Variants in GALNT10 observed in about 807,000 individuals in gnomAD.
GALNT10 encodes GalNAc transferase 10.
Under a neutral mutation model 75.0 loss-of-function variants are expected in GALNT10, and 41 were observed. That is an observed-to-expected ratio of 0.55 (90% confidence interval 0.43 to 0.71). GALNT10 has a LOEUF of 0.71. GALNT10 is among the 30% of genes least tolerant of loss of function. GALNT10 has a pLI of 0.00. For synonymous variants in GALNT10, 302 were observed against 313.0 expected, an observed-to-expected ratio of 0.96 and a Z score of 0.37; for missense variants, 727 against 818.5, an observed-to-expected ratio of 0.89 and a Z score of 1.36.
At chr5:154,217,865 C>T (rs1241751169) in intron 1 of GALNT10, 1 of 291,160 alleles carries the variant, frequency 3.4e-6, no homozygotes, top group African/African-American at 2.3e-5. Flanking sequence ...TGTAAGAGCT[C>T]AAAAATAGCT....
chr5:154,209,792 C>T (rs1775166593), intron 1 of GALNT10, among the ~76,000 whole-genome samples: 1 of 152,160 alleles, frequency 6.6e-6, no homozygotes, highest in Admixed American at 6.5e-5. Context: ...AACAGTCAGT[C>T]TCTAACACTG....
At chr5:154,326,410 G>T (rs548086827) in intron 3 of GALNT10, among the ~76,000 whole-genome samples, 4 of 152,170 alleles carry the variant, frequency 2.6e-5, no homozygotes, top group Non-Finnish European at 5.9e-5. Context: ...TGTACCCACA[G>T]AATTGAAAAC....
rs1353967195 is a variant in GALNT10, at chr5:154,416,031, C to T, written c.1653+99C>T. 9.0e-7 allele frequency: 1 copy of T among 1,114,236 alleles called. No individual in the cohort carries two copies. The highest frequency in any genetic ancestry group is 1.3e-6 in the Non-Finnish European group (1 of 775,634). 69.0% of individuals were successfully genotyped at this position (1,114,236 alleles called of 1,614,324 possible). A position where few individuals can be genotyped will look rare whatever the true frequency, so the allele number is the denominator to read the frequency against. On this transcript the variant is annotated intron_variant, in intron 11 of 11. Coordinates refer to ENST00000297107, the MANE Select transcript of GALNT10 (RefSeq NM_198321.4). The surrounding 1 kb of genome is among the most constrained non-coding windows in gnomAD (Gnocchi z 4.5). ...TTTCAACAGAGCCCATCCACTTATTCATTTGTGCCACAAACCTACCATGCC... is the reference window on the plus strand; with the variant it reads ...TTTCAACAGAGCCCATCCACTTATTTATTTGTGCCACAAACCTACCATGCC...
Position 154,420,576 on chromosome 5 carries a change from G to A in GALNT10, c.*3604G>A, listed in dbSNP as rs1291015710. 6.6e-6 allele frequency: 1 copy of A among 152,164 alleles called. No homozygotes were observed. The highest frequency in any genetic ancestry group is 1.5e-5 in the Non-Finnish European group (1 of 68,028). The allele number at this position is 152,164 out of a possible 1,614,324, so 9.4% of individuals were successfully genotyped here. On this transcript the variant is annotated 3_prime_UTR_variant, in exon 12 of 12. Transcript: ENST00000297107. ...GGGACAAGAAGTGCAGTTCTGTTCTGGAATTCCTTATTGCTTTCAACGGAC... is the reference window on the plus strand; with the variant it reads ...GGGACAAGAAGTGCAGTTCTGTTCTAGAATTCCTTATTGCTTTCAACGGAC...
At position 154,268,731 on chromosome 5, in the gene GALNT10, A is replaced by C. The variant is rs185987293; in HGVS notation, c.160-26085A>C. On this transcript the variant is annotated intron_variant, in intron 1 of 11. Coordinates refer to ENST00000297107, the MANE Select transcript of GALNT10 (RefSeq NM_198321.4). ...TTGTAACACCTGAGATTTATTTCTC[A>C]TTTAATAAAGTTTAAATTATACTCT... 2.1e-3 allele frequency among the ~76,000 whole-genome samples: 316 copies of C among 152,362 alleles called. 1 individual carries two copies. Among genetic ancestry groups the C allele is most frequent in the Middle Eastern group, 3.4e-3 (1 of 294 alleles).
chr5:154,408,597 A>C (rs1288543097), intron 8 of GALNT10, among the ~76,000 whole-genome samples: 2 of 151,618 alleles, frequency 1.3e-5, no homozygotes, highest in Non-Finnish European at 2.9e-5. Context: ...ACTCACAAAC[A>C]CTTTCCTCAC....
chr5:154,205,565 A>G (rs1475000689), intron 1 of GALNT10, among the ~76,000 whole-genome samples: 2 of 152,192 alleles, frequency 1.3e-5, no homozygotes, highest in Non-Finnish European at 2.9e-5. Context: ...GTCTCTCAAA[A>G]AGATACGGCA....
At chr5:154,311,777 A>G (rs1446291858) in intron 3 of GALNT10, among the ~76,000 whole-genome samples, 1 of 152,050 alleles carries the variant, frequency 6.6e-6, no homozygotes, top group East Asian at 1.9e-4. Context: ...CACCAGGCTA[A>G]TTTTTGTATT....
intron 1 of GALNT10, among the ~76,000 whole-genome samples, chr5:154,291,712 C>A (rs566353309): frequency 5.3e-5 from 8 of 152,310 alleles, no homozygotes; most frequent in African/African-American, 1.9e-4. Flanking sequence ...AACAAAATAA[C>A]TTCTCCCATG....
intron 7 of GALNT10, among the ~76,000 whole-genome samples, chr5:154,389,767 T>A (rs1028931354): frequency 3.9e-5 from 6 of 152,132 alleles, no homozygotes; most frequent in Admixed American, 3.9e-4. Context: ...CAATTAAAAG[T>A]ATACAAATAT....
At chr5:154,264,337 T>C in intron 1 of GALNT10, among the ~76,000 whole-genome samples, 1 of 150,300 alleles carries the variant, frequency 6.7e-6, no homozygotes, top group African/African-American at 2.5e-5. Flanking sequence ...AAAAGTGATT[T>C]GGGGGACAAT....
chr5:154,396,049 G>GGGCAGGTTGGTT (rs1756012175), intron 7 of GALNT10, among the ~76,000 whole-genome samples: 1 of 152,150 alleles, frequency 6.6e-6, no homozygotes, highest in Admixed American at 6.5e-5. Flanking sequence ...CAGAGTAAAT[G>GGGCAGGTTGGTT]GGCAGGTTGG....
Position 154,199,567 on chromosome 5 carries a change from G to A in GALNT10, c.159+8542G>A, listed in dbSNP as rs191689655. ...TTGGAATCCCTCTCCTGTGGGCTGC[G>A]AGGATTGGCTGGGGCGGTAGAGCTT... On this transcript the variant is annotated intron_variant, in intron 1 of 11. Coordinates refer to ENST00000297107, the MANE Select transcript of GALNT10 (RefSeq NM_198321.4). 2.0e-4 allele frequency among the ~76,000 whole-genome samples: 30 copies of A among 152,320 alleles called. 1 individual carries two copies. In the East Asian group the frequency reaches 2.5e-3, roughly 13 times the overall value.
intron 1 of GALNT10, among the ~76,000 whole-genome samples, chr5:154,260,533 C>T (rs1458493700): frequency 6.6e-6 from 1 of 152,136 alleles, no homozygotes; most frequent in Non-Finnish European, 1.5e-5. Flanking sequence ...GTGGCAGAAT[C>T]CAGGATGCAC....
intron 3 of GALNT10, among the ~76,000 whole-genome samples, chr5:154,315,830 T>A (rs897700722): frequency 3.3e-5 from 5 of 152,244 alleles, no homozygotes; most frequent in African/African-American, 7.2e-5. Flanking sequence ...AAATTCCTTG[T>A]TGGACCAAGA....
intron 1 of GALNT10, among the ~76,000 whole-genome samples, chr5:154,291,472 A>T (rs1385498110): frequency 6.6e-6 from 1 of 152,230 alleles, no homozygotes; most frequent in Non-Finnish European, 1.5e-5. Context: ...ATTCTCCTGC[A>T]CATTAAAATT....
rs112669818 is a variant in GALNT10, at chr5:154,361,670, G to A, written c.569-14607G>A. On this transcript the variant is annotated intron_variant, in intron 4 of 11. Transcript: ENST00000297107. ...CATAAGGATTTTCTGCTAAAAGAAC[G>A]TGAAAGCCTTAACAGACCATAGGTA... is the stretch of plus-strand genomic sequence containing the variant. 6.5e-3 allele frequency among the ~76,000 whole-genome samples: 984 copies of A among 152,336 alleles called. 13 individuals are homozygous for A. Among genetic ancestry groups the A allele is most frequent in the African/African-American group, 0.023 (949 of 41,574 alleles).
intron 1 of GALNT10, among the ~76,000 whole-genome samples, chr5:154,289,386 C>T (rs1006769187): frequency 6.6e-6 from 1 of 152,188 alleles, no homozygotes; most frequent in Non-Finnish European, 1.5e-5. Context: ...AACTAGACTA[C>T]CTTTCCCATT....
At chr5:154,253,002 GTTTT>G (rs373849888) in intron 1 of GALNT10, among the ~76,000 whole-genome samples, 2 of 89,862 alleles carry the variant, frequency 2.2e-5, no homozygotes, top group Admixed American at 1.1e-4. Flanking sequence ...TTTTTTAGTG[GTTTT>G]TTTTTTTTTT....
Sources: allele counts gnomAD v4.1 joint callset (sites outside exome capture counted in the v4.1 genomes callset), GRCh38; gene constraint gnomAD v4.1.1; non-coding constraint Gnocchi (gnomAD v3.1); transcripts MANE v1.5; gene names NCBI Gene and HGNC (gene_info 2026-07-23, HGNC 2026-07-21).